G2E3: variants seen among roughly 807,000 people sequenced by gnomAD.
The protein encoded by G2E3 is G2/M phase-specific E3 ubiquitin-protein ligase.
Under a neutral mutation model 92.8 loss-of-function variants are expected in G2E3, and 35 were observed. That is an observed-to-expected ratio of 0.38 (90% confidence interval 0.29 to 0.50). The LOEUF is 0.50. Among genes scored for constraint, G2E3 ranks in the 20% least tolerant of loss-of-function variants. G2E3 has a pLI of 0.94. For synonymous variants in G2E3, 242 were observed against 272.4 expected (o/e 0.89, Z 1.10); for missense variants, 554 against 823.8 (o/e 0.67, Z 4.01).
intron 1 of G2E3, among the ~76,000 whole-genome samples, chr14:30,572,781 TG>T (rs1879842813): frequency 6.6e-6 from 1 of 152,138 alleles, no homozygotes; most frequent in Admixed American, 6.5e-5. Flanking sequence ...GGTACTCTTG[TG>T]GCGTTTATGT....
chr14:30,572,712 A>G (rs1322265424), intron 1 of G2E3, among the ~76,000 whole-genome samples: 1 of 152,042 alleles, frequency 6.6e-6, no homozygotes, highest in Non-Finnish European at 1.5e-5. Flanking sequence ...CAGTTAAGAT[A>G]TATTATCCTT....
chr14:30,589,324 T>G (rs536663228), intron 3 of G2E3, 59 bp from the exon 4 acceptor site: 4 of 969,900 alleles, frequency 4.1e-6, no homozygotes, highest in Non-Finnish European at 6.6e-6. Flanking sequence ...GGATATATAT[T>G]TTTTTAATGC....
chr14:30,559,932 T>G (rs980407300), intron 1 of G2E3: 12 of 152,184 alleles, frequency 7.9e-5, no homozygotes, highest in Non-Finnish European at 1.3e-4. Flanking sequence ...CCGGCTGTGG[T>G]AACAGCGGTG....
intron 6 of G2E3, among the ~76,000 whole-genome samples, chr14:30,596,135 CGTGTGTGTGT>C (rs59672554): frequency 1.3e-4 from 17 of 127,254 alleles, no homozygotes; most frequent in Admixed American, 7.1e-4. Flanking sequence ...GGTGGGTGTG[CGTGTGTGTGT>C]GTGTGTGTGT....
At chr14:30,580,092 C>T (rs183482033) in intron 1 of G2E3, among the ~76,000 whole-genome samples, 17 of 152,298 alleles carry the variant, frequency 1.1e-4, no homozygotes, top group African/African-American at 3.6e-4. Flanking sequence ...TGGTTGAGCA[C>T]TACCGTACTA....
At chr14:30,583,040 T>G (rs1880518394) in intron 2 of G2E3, among the ~76,000 whole-genome samples, 1 of 152,114 alleles carries the variant, frequency 6.6e-6, no homozygotes, top group Admixed American at 6.5e-5. Context: ...ACAAGAGAAG[T>G]TTATTGCTTG....
chr14:30,589,338 A>C (rs1281916946), intron 3 of G2E3, 45 bp from the exon 4 acceptor site: 1 of 1,086,626 alleles, frequency 9.2e-7, no homozygotes, highest in Non-Finnish European at 1.4e-6. Flanking sequence ...TTAATGCCCA[A>C]CTAGTTTCTT....
chr14:30,566,035 A>G (rs1012679082), intron 1 of G2E3, among the ~76,000 whole-genome samples: 1 of 152,114 alleles, frequency 6.6e-6, no homozygotes, highest in Non-Finnish European at 1.5e-5. Flanking sequence ...TTCCCATTTA[A>G]TGGTCTTGGC....
At chr14:30,603,325 CAA>C (rs1231084948) in intron 10 of G2E3, among the ~76,000 whole-genome samples, 17 of 62,828 alleles carry the variant, frequency 2.7e-4, no homozygotes, top group Non-Finnish European at 2.6e-4. Context: ...GACTCTGTCT[CAA>C]AAAAAAAAAA....
In G2E3 at chr14:30,612,268, T is replaced by C; in HGVS notation, c.1562T>C (p.Leu521Pro). 1 of 1,606,410 alleles carries C rather than the reference T, an allele frequency of 6.2e-7. No individual in the cohort carries two copies. Among genetic ancestry groups the C allele is most frequent in the Non-Finnish European group, 8.5e-7 (1 of 1,173,420 alleles). ...KSIINECYNYLELIGCLRLIT... is the reference protein window; with the variant it reads ...KSIINECYNYPELIGCLRLIT... ...ATAATAAATGAATGCTATAACTACC[T>C]TGAGTTAATTGGATGTCTCAGACTT... Residue 521 changes from leucine (L) to proline (P), a missense_variant, in exon 13 of 15, where the codon CTT (leucine) becomes CCT (proline). Leu to Pro is a moderately conservative substitution (Grantham distance 98). Coordinates refer to ENST00000206595, the MANE Select transcript of G2E3 (RefSeq NM_017769.5).
At chr14:30,565,650 CTTTTTTTTTTTTT>C (rs537643569) in intron 1 of G2E3, among the ~76,000 whole-genome samples, 4 of 62,230 alleles carry the variant, frequency 6.4e-5, no homozygotes, top group Non-Finnish European at 8.4e-5. Context: ...AACTTCATTC[CTTTTTTTTTTTTT>C]TTTTTTTTTT....
Position 30,619,571 on chromosome 14 carries a change from A to G in G2E3, c.*3037A>G, listed in dbSNP as rs994387357. The G allele has an allele frequency of 4.6e-5, 7 of 152,280 alleles. No homozygotes were observed. The highest frequency in any genetic ancestry group is 1.7e-4 in the African/African-American group (7 of 41,578). 9.4% of individuals were successfully genotyped at this position (152,280 alleles called of 1,614,324 possible). On this transcript the variant is annotated 3_prime_UTR_variant, in exon 15 of 15. Coordinates refer to ENST00000206595, the MANE Select transcript of G2E3 (RefSeq NM_017769.5). ...TGCAATACAAAACATAACCCATTTAATGATGAATTACTTGAATGTATATTA... is the reference window on the plus strand; with the variant it reads ...TGCAATACAAAACATAACCCATTTAGTGATGAATTACTTGAATGTATATTA...
At chr14:30,579,565 C>T (rs1483922274) in intron 1 of G2E3, among the ~76,000 whole-genome samples, 1 of 152,058 alleles carries the variant, frequency 6.6e-6, no homozygotes, top group Non-Finnish European at 1.5e-5. Context: ...AATCTGTGTC[C>T]TACATTTTGT....
At chr14:30,560,935 G>A (rs1879061321) in intron 1 of G2E3, 5 of 624,404 alleles carry the variant, frequency 8.0e-6, no homozygotes, top group Non-Finnish European at 1.1e-5. Flanking sequence ...ACTGGGGCCA[G>A]ATTGCCTTGG....
rs373037684 is a variant in G2E3, at chr14:30,603,786, A to G, written c.1010+1655A>G. ...TTTGAGCCCAGGAGTTCAAGCTGCA[A>G]TGAGCTATGATCATGCCACTATACT... On this transcript the variant is annotated intron_variant, in intron 10 of 14. Coordinates refer to ENST00000206595, the MANE Select transcript of G2E3 (RefSeq NM_017769.5). Among the ~76,000 whole-genome samples the G allele has an allele frequency of 2.1e-4, 32 of 152,308 alleles. No homozygotes were observed. In the East Asian group the frequency reaches 3.5e-3, roughly 17 times the overall value.
intron 13 of G2E3, among the ~76,000 whole-genome samples, chr14:30,613,450 C>A (rs1028853482): frequency 2.0e-4 from 30 of 151,960 alleles, no homozygotes; most frequent in African/African-American, 6.8e-4. Flanking sequence ...GTTTTTAATT[C>A]TTTCGATGTG....
intron 2 of G2E3, among the ~76,000 whole-genome samples, chr14:30,581,807 T>A (rs1880452991): frequency 6.6e-6 from 1 of 152,234 alleles, no homozygotes; most frequent in African/African-American, 2.4e-5. Context: ...TGCTTTTAAT[T>A]GTTGTTTTCT....
At chr14:30,571,202 G>T (rs1255866779) in intron 1 of G2E3, among the ~76,000 whole-genome samples, 7 of 146,594 alleles carry the variant, frequency 4.8e-5, no homozygotes, top group Non-Finnish European at 1.0e-4. Context: ...ATTTTAATGT[G>T]CATTTCCTTT....
chr14:30,590,867 A>G (rs1184354910), intron 4 of G2E3: 3 of 329,342 alleles, frequency 9.1e-6, no homozygotes, highest in Non-Finnish European at 1.8e-5. Context: ...CAGATTGAAT[A>G]TCCCTTATCC....
Sources: gnomAD v4.1 joint callset for allele counts (sites outside exome capture counted in the v4.1 genomes callset) on GRCh38, gnomAD v4.1.1 for gene constraint, MANE v1.5 for transcripts, NCBI Gene and HGNC (gene_info 2026-07-23, HGNC 2026-07-21) for gene names.